ACP6: variants seen among roughly 807,000 people sequenced by gnomAD.
The protein encoded by ACP6 is acid phosphatase 6, lysophosphatidic.
In ACP6, 48 loss-of-function variants were observed where a neutral mutation model predicts 48.1. That is an observed-to-expected ratio of 1.00 (90% CI 0.79 to 1.27). The LOEUF (loss-of-function observed/expected upper bound fraction) is 1.27, where lower values mean the gene tolerates loss of function less well. Among genes scored for constraint, ACP6 ranks in the 50% most tolerant of loss-of-function variants. The pLI, the probability that ACP6 is intolerant of heterozygous loss-of-function variation, is 0.00. For missense variants in ACP6, 485 were observed against 529.1 expected (o/e 0.92, Z 0.82); for synonymous variants, 172 against 204.2 (o/e 0.84, Z 1.34).
At chr1:147,651,683 G>C (rs1659930714) in intron 7 of ACP6, 1 of 152,108 alleles carries the variant, frequency 6.6e-6, no homozygotes, top group African/African-American at 2.4e-5. Context: ...TGAGTGGAAG[G>C]AATGCAGTCA....
At chr1:147,659,234 A>G (rs1660407402) in intron 3 of ACP6, 162 bp downstream of exon 3, 1 of 1,138,630 alleles carries the variant, frequency 8.8e-7, no homozygotes, top group Admixed American at 2.7e-5. Context: ...ACCTCCAGGA[A>G]CGACCTGTTC....
chr1:147,659,793 AC>A lies in ACP6; in HGVS notation c.220-19del. 1 of 1,611,900 alleles carries A rather than the reference AC, an allele frequency of 6.2e-7. No individual in the cohort carries two copies. Among genetic ancestry groups the A allele is most frequent in the Non-Finnish European group, 8.5e-7 (1 of 1,179,672 alleles). Reference sequence around the variant, plus strand: ...CACTCTACCTGTTAGTACAAAAAAAACACACCACATTGTTTAAAAATGGTTC... The same window carrying A: ...CACTCTACCTGTTAGTACAAAAAAAAACACCACATTGTTTAAAAATGGTTC... On this transcript the variant is annotated intron_variant, in intron 1 of 9. Coordinates refer to ENST00000583509, the MANE Select transcript of ACP6 (RefSeq NM_016361.5).
chr1:147,637,518 C>T (rs1553208198), downstream of ACP6, among the ~76,000 whole-genome samples: 1 of 152,196 alleles, frequency 6.6e-6, no homozygotes, highest in African/African-American at 2.4e-5. Context: ...GCTTGTCTAG[C>T]TCTGCTACCA....
intron 9 of ACP6, chr1:147,647,834 G>A (rs1659702247): frequency 1.8e-6 from 1 of 543,054 alleles, no homozygotes; most frequent in Non-Finnish European, 3.2e-6. Flanking sequence ...TCATCCCTGG[G>A]GCGTGCTCTG....
At chr1:147,655,123 T>A (rs1553211354) in intron 5 of ACP6, 38 bp downstream of exon 5, 3 of 1,518,824 alleles carry the variant, frequency 2.0e-6, no homozygotes, top group Non-Finnish European at 2.7e-6. Context: ...TGTAAAAGGT[T>A]GTCCCCAACT....
chr1:147,650,223 C>A lies in ACP6; in HGVS notation c.897G>T (p.Met299Ile), dbSNP rs1418146815. The A allele has an allele frequency of 1.9e-6, 3 of 1,599,550 alleles. No individual in the cohort carries two copies. The highest frequency in any genetic ancestry group is 2.6e-6 in the Non-Finnish European group (3 of 1,174,656). Residue 299 changes from methionine (M) to isoleucine (I), a missense_variant, in exon 8 of 10, where the codon ATG becomes ATT. Transcript: ENST00000583509. ...GGATGTGGAGGAATGGGCCTACTGC[C>A]ATCTGAAGACTTTCCCTGTGAAAAG... ...LPKEDRESLQMAVGPFLHILE... is the reference protein window; with the variant it reads ...LPKEDRESLQIAVGPFLHILE...
At chr1:147,664,109 C>A (rs902002074) in intron 1 of ACP6, among the ~76,000 whole-genome samples, 14 of 152,128 alleles carry the variant, frequency 9.2e-5, no homozygotes, top group African/African-American at 3.1e-4. Context: ...GTGTCAGTCC[C>A]ACTGGCACCT....
intron 5 of ACP6, among the ~76,000 whole-genome samples, chr1:147,635,331 G>A (rs587607586): frequency 1.3e-5 from 2 of 152,246 alleles, no homozygotes; most frequent in East Asian, 3.9e-4. Flanking sequence ...AGCAATCTTG[G>A]GCCATTTGTG....
At chr1:147,637,042 AAT>A (rs1659319891) in intron 5 of ACP6, among the ~76,000 whole-genome samples, 1 of 152,206 alleles carries the variant, frequency 6.6e-6, no homozygotes, top group South Asian at 2.1e-4. Flanking sequence ...GCAACACTTT[AAT>A]AAGGTTACAC....
At chr1:147,657,055 G>T (rs1660294747) in intron 4 of ACP6, among the ~76,000 whole-genome samples, 1 of 152,200 alleles carries the variant, frequency 6.6e-6, no homozygotes, top group African/African-American at 2.4e-5. Context: ...GGAGAGGGTT[G>T]TCCTGGAATC....
intron 5 of ACP6, 78 bp downstream of exon 5, chr1:147,655,083 C>T: frequency 8.3e-7 from 1 of 1,201,604 alleles, no homozygotes; most frequent in Non-Finnish European, 1.2e-6. Flanking sequence ...GACAGGCCCT[C>T]AGTATAGACA....
At chr1:147,665,877 C>CTT (rs759494885) in intron 1 of ACP6, among the ~76,000 whole-genome samples, 3 of 152,232 alleles carry the variant, frequency 2.0e-5, no homozygotes, top group Non-Finnish European at 2.9e-5. Flanking sequence ...CTCTCATTCT[C>CTT]ATTCCTGCTC....
At chr1:147,647,750 G>T in intron 9 of ACP6, 184 bp from the exon 10 acceptor site, 1 of 789,032 alleles carries the variant, frequency 1.3e-6, no homozygotes, top group Non-Finnish European at 1.9e-6. Flanking sequence ...GCTTGTAAAA[G>T]TCACTCAAAA....
downstream of ACP6, among the ~76,000 whole-genome samples, chr1:147,641,139 G>A (rs1659438660): frequency 6.6e-6 from 1 of 152,048 alleles, no homozygotes; most frequent in Non-Finnish European, 1.5e-5. Flanking sequence ...GGTAGATGGC[G>A]GTGCCCTAGA....
rs1211704671 is a variant in ACP6 at position 147,646,103 on chromosome 1, G to C, written c.*1320C>G. 1 of 152,214 alleles carries C rather than the reference G, an allele frequency of 6.6e-6. No individual in the cohort carries two copies. The highest frequency in any genetic ancestry group is 1.5e-5 in the Non-Finnish European group (1 of 68,044). 9.4% of individuals were successfully genotyped at this position (152,214 alleles called of 1,614,324 possible). ...AAAATAGGAAATACAGTAACCAGCA[G>C]ACTGAGGATGGGAAGGGGATGCTGA... On this transcript the variant is annotated 3_prime_UTR_variant, in exon 10 of 10. Coordinates refer to ENST00000583509, the MANE Select transcript of ACP6 (RefSeq NM_016361.5).
At chr1:147,663,660 A>G (rs1553213148) in intron 1 of ACP6, among the ~76,000 whole-genome samples, 1 of 152,082 alleles carries the variant, frequency 6.6e-6, no homozygotes, top group African/African-American at 2.4e-5. Context: ...AAAATTTTAA[A>G]AAAGGACTTC....
intron 1 of ACP6, among the ~76,000 whole-genome samples, chr1:147,663,928 A>G (rs1660671223): frequency 2.0e-5 from 3 of 151,920 alleles, no homozygotes; most frequent in African/African-American, 7.3e-5. Context: ...AAAAAAATTT[A>G]ACTCAATTTC....
Position 147,647,091 on chromosome 1 carries a change from C to A in ACP6, c.*332G>T. 3.7e-6 allele frequency: 1 copy of A among 269,686 alleles called. No individual in the cohort carries two copies. Among genetic ancestry groups the A allele is most frequent in the Non-Finnish European group, 7.2e-6 (1 of 138,038 alleles). The allele number at this position is 269,686 out of a possible 1,614,324, so 16.7% of individuals were successfully genotyped here. On this transcript the variant is annotated 3_prime_UTR_variant, in exon 10 of 10. Transcript: ENST00000583509. ...AATGATCACTACTTAGTAGGTAGCT[C>A]AATACATGTGAAATTAATATAGGAG... is the stretch of plus-strand genomic sequence containing the variant.
intron 5 of ACP6, among the ~76,000 whole-genome samples, chr1:147,635,634 G>A (rs587676222): frequency 6.6e-6 from 1 of 152,196 alleles, no homozygotes; most frequent in East Asian, 1.9e-4. Flanking sequence ...TGATGAAGTG[G>A]TGTCTATGTG....
Sources: gnomAD v4.1 joint callset for allele counts (sites outside exome capture counted in the v4.1 genomes callset) on GRCh38, gnomAD v4.1.1 for gene constraint, MANE v1.5 for transcripts, NCBI Gene and HGNC (gene_info 2026-07-23, HGNC 2026-07-21) for gene names.